Variants in TMEM132D observed in about 807,000 individuals in gnomAD.
TMEM132D encodes mature OL transmembrane protein.
A neutral mutation model predicts 62.3 loss-of-function variants in TMEM132D; 21 were observed. The observed-to-expected ratio is 0.34, with a 90% CI of 0.24 to 0.49. The LOEUF is 0.49. Ranked by LOEUF, TMEM132D falls within the 20% of genes least tolerant of loss-of-function variation. TMEM132D has a pLI of 0.99. For synonymous variants in TMEM132D, 621 were observed against 575.6 expected, an observed-to-expected ratio of 1.08 and a Z score of -1.13; for missense variants, 1,346 against 1,402.8, an observed-to-expected ratio of 0.96 and a Z score of 0.65.
intron 1 of TMEM132D, among the ~76,000 whole-genome samples, chr12:129,756,527 G>A (rs964604943): frequency 5.3e-5 from 8 of 152,132 alleles, no homozygotes; most frequent in Admixed American, 2.0e-4. Flanking sequence ...TGGGGAAGTC[G>A]TAAACAGGGA....
At chr12:129,244,109 G>GGT (rs1261250621) in intron 4 of TMEM132D, among the ~76,000 whole-genome samples, 1 of 152,174 alleles carries the variant, frequency 6.6e-6, no homozygotes, top group Non-Finnish European at 1.5e-5. Context: ...ATTCCGGCCG[G>GGT]GTGCGGTGGC....
chr12:129,457,497 C>T (rs1452096511), intron 3 of TMEM132D, among the ~76,000 whole-genome samples: 6 of 150,164 alleles, frequency 4.0e-5, no homozygotes, highest in Non-Finnish European at 7.4e-5. Flanking sequence ...TGCTAAATGA[C>T]GAGTTAATGG....
At chr12:129,625,741 T>C (rs573442622) in intron 2 of TMEM132D, among the ~76,000 whole-genome samples, 4 of 152,328 alleles carry the variant, frequency 2.6e-5, no homozygotes, top group South Asian at 2.1e-4. Flanking sequence ...AAAGGCAGGA[T>C]TTATTACCTT....
intron 5 of TMEM132D, among the ~76,000 whole-genome samples, chr12:129,204,528 G>A (rs2135563065): frequency 6.6e-6 from 1 of 152,314 alleles, no homozygotes; most frequent in East Asian, 1.9e-4. Context: ...ATGGGATTAT[G>A]TAAAGGGACC....
rs1208426588 is a variant in TMEM132D at position 129,371,132 on chromosome 12, T to C, written c.1116-33315A>G. ...TTGTTGTAGGTACCACCAAAATATG[T>C]ACAACTATGACAAATCAATAAAAAA... On this transcript the variant is annotated intron_variant, in intron 3 of 8. Transcript: ENST00000422113. The surrounding 1 kb of genome is among the most constrained non-coding windows in gnomAD (Gnocchi z 4.3). Among the ~76,000 whole-genome samples the C allele has an allele frequency of 6.6e-6, 1 of 152,230 alleles. No individual in the cohort carries two copies. The highest frequency in any genetic ancestry group is 2.4e-5 in the African/African-American group (1 of 41,460).
At chr12:129,899,085 T>C (rs896662906) in intron 1 of TMEM132D, among the ~76,000 whole-genome samples, 1 of 152,246 alleles carries the variant, frequency 6.6e-6, no homozygotes, top group African/African-American at 2.4e-5. Context: ...TGAAGGCATG[T>C]GGCCTTTGAC....
In TMEM132D at chr12:129,629,246, C is replaced by T. The variant is rs1473920198; in HGVS notation, c.968+70564G>A. Among the ~76,000 whole-genome samples the T allele has an allele frequency of 2.0e-5, 3 of 152,222 alleles. No homozygotes were observed. In the South Asian group the frequency reaches 6.2e-4, roughly 32 times the overall value. ...CAGCATCCCTGCCCTTGGGAAACTC[C>T]TCTGTCCGGCCCATCTGCAGACCCT... On this transcript the variant is annotated intron_variant, in intron 2 of 8. Coordinates refer to ENST00000422113, the MANE Select transcript of TMEM132D (RefSeq NM_133448.3).
At chr12:129,863,947 A>G (rs1383851022) in intron 1 of TMEM132D, among the ~76,000 whole-genome samples, 3 of 152,162 alleles carry the variant, frequency 2.0e-5, no homozygotes, top group Non-Finnish European at 4.4e-5. Flanking sequence ...AATAAGTCTG[A>G]AAAACTTTTT....
intron 5 of TMEM132D, among the ~76,000 whole-genome samples, chr12:129,191,320 C>CACAAAA (rs1476507453): frequency 6.6e-6 from 1 of 151,200 alleles, no homozygotes; most frequent in Non-Finnish European, 1.5e-5. Flanking sequence ...CACACACACA[C>CACAAAA]ACACACTTCT....
At chr12:129,687,164 T>C (rs1448196715) in intron 2 of TMEM132D, among the ~76,000 whole-genome samples, 1 of 152,152 alleles carries the variant, frequency 6.6e-6, no homozygotes, top group Non-Finnish European at 1.5e-5. Context: ...CACCTGTCTC[T>C]TCTGTACTTG....
rs1339739067 is a variant in TMEM132D, at chr12:129,127,195, GT to G, written c.1444-42494del. Among the ~76,000 whole-genome samples, 10 of 152,322 alleles carry G rather than the reference GT, an allele frequency of 6.6e-5. No individual in the cohort carries two copies. The East Asian group carries it at 1.9e-3, about 29-fold the overall frequency. On this transcript the variant is annotated intron_variant, in intron 5 of 8. Transcript: ENST00000422113. ...CCAAAGCACACATTTTCTTGATTGA[GT>G]TTTTGTTTTTTTCAATCACTCATAG...
chr12:129,435,605 C>A (rs1287812145), intron 3 of TMEM132D, among the ~76,000 whole-genome samples: 1 of 152,130 alleles, frequency 6.6e-6, no homozygotes, highest in Non-Finnish European at 1.5e-5. Context: ...CCACCTCCAG[C>A]AAAGGAATCC....
At chr12:129,636,739 A>T (rs1705101) in intron 2 of TMEM132D, among the ~76,000 whole-genome samples, 795 of 49,452 alleles carry the variant, frequency 0.016, 6 homozygotes, top group Non-Finnish European at 0.03. Context: ...TGTGTGTGTG[A>T]GAGAGAGAGA....
chr12:129,126,356 C>CTT lies in TMEM132D; in HGVS notation c.1444-41655_1444-41654insAA, dbSNP rs747997037. ...TTCATTCTCTTGCCTCAGTTTCTCT[C>CTT]TCTTTTTTTTTTTTTTTAGCAATAA... On this transcript the variant is annotated intron_variant, in intron 5 of 8. Coordinates refer to ENST00000422113, the MANE Select transcript of TMEM132D (RefSeq NM_133448.3). 9.4e-3 allele frequency among the ~76,000 whole-genome samples: 1,297 copies of CTT among 137,802 alleles called. 35 individuals carry two copies. The highest frequency in any genetic ancestry group is 0.032 in the African/African-American group (1,216 of 38,032). The allele number at this position is 137,802 out of a possible 152,430, so 90.4% of individuals were successfully genotyped here. A position where few individuals can be genotyped will look rare whatever the true frequency, so the allele number is the denominator to read the frequency against.
At chr12:129,658,869 C>T (rs1593108808) in intron 2 of TMEM132D, among the ~76,000 whole-genome samples, 1 of 152,000 alleles carries the variant, frequency 6.6e-6, no homozygotes, top group Admixed American at 6.6e-5. Context: ...CCAAAGAGCA[C>T]CAAGGTGCCA....
At chr12:129,730,991 G>T (rs1423026309) in intron 1 of TMEM132D, among the ~76,000 whole-genome samples, 1 of 152,004 alleles carries the variant, frequency 6.6e-6, no homozygotes, top group East Asian at 1.9e-4. Context: ...GTGATTGTGG[G>T]AGTCAATACT....
intron 4 of TMEM132D, among the ~76,000 whole-genome samples, chr12:129,255,794 G>A (rs113899537): frequency 1.2e-3 from 185 of 152,316 alleles, no homozygotes; most frequent in African/African-American, 4.2e-3. Flanking sequence ...CTTGGAGAGA[G>A]AGGGGGAAAA....
intron 5 of TMEM132D, among the ~76,000 whole-genome samples, chr12:129,087,442 G>C (rs1185104733): frequency 2.0e-5 from 3 of 150,920 alleles, no homozygotes; most frequent in Admixed American, 1.3e-4. Flanking sequence ...TCTTGAGATA[G>C]ATAGGGAGAG....
intron 3 of TMEM132D, among the ~76,000 whole-genome samples, chr12:129,432,192 T>C (rs1205947453): frequency 1.3e-5 from 2 of 150,798 alleles, no homozygotes; most frequent in Admixed American, 6.6e-5. Context: ...GATGGATGGA[T>C]GGATGGATGG....
Sources: gnomAD v4.1 joint callset for allele counts (sites outside exome capture counted in the v4.1 genomes callset) on GRCh38, gnomAD v4.1.1 for gene constraint, Gnocchi (gnomAD v3.1) non-coding constraint, MANE v1.5 for transcripts, NCBI Gene and HGNC (gene_info 2026-07-23, HGNC 2026-07-21) for gene names.